COL6A1: variants seen among roughly 807,000 people sequenced by gnomAD.
The protein encoded by COL6A1 is collagen alpha-1(VI) chain.
Under a neutral mutation model 145.6 loss-of-function variants are expected in COL6A1, and 80 were observed. The ratio of observed to expected loss-of-function variants is 0.55; its 90% CI spans 0.46 to 0.66. COL6A1 has a LOEUF of 0.66. Among genes scored for constraint, COL6A1 ranks in the 30% least tolerant of loss-of-function variants. The pLI, the probability that COL6A1 is intolerant of heterozygous loss-of-function variation, is 0.00. For missense variants in COL6A1, 1,364 were observed against 1,473.8 expected, an observed-to-expected ratio of 0.93 and a Z score of 1.22; for synonymous variants, 638 against 622.8, an observed-to-expected ratio of 1.02 and a Z score of -0.36.
At chr21:45,999,125 C>T (rs780461201) in intron 25 of COL6A1, 28 bp from the exon 26 acceptor site, 10 of 1,575,160 alleles carry the variant, frequency 6.3e-6, no homozygotes, top group Middle Eastern at 1.9e-4. Flanking sequence ...GGTGCACGGT[C>T]TGTTGACACA....
intron 9 of COL6A1, 149 bp downstream of exon 9, chr21:45,989,286 C>A: frequency 1.1e-6 from 1 of 887,210 alleles, no homozygotes; most frequent in African/African-American, 1.7e-5. Flanking sequence ...GGAGGGGCCA[C>A]AGCCCAGCCA....
In COL6A1 at chr21:45,982,666, A is replaced by G. The variant is rs1296919343; in HGVS notation, c.130A>G (p.Thr44Ala). 1 of 1,612,684 alleles carries G rather than the reference A, an allele frequency of 6.2e-7. No homozygotes were observed. Among genetic ancestry groups the G allele is most frequent in the African/African-American group, 1.3e-5 (1 of 74,904 alleles). Residue 44 changes from threonine (T) to alanine (A), a missense_variant, in exon 2 of 35, where the codon ACC (threonine) becomes GCC (alanine). By Grantham distance (58) the Thr-to-Ala change is moderately conservative. Transcript: ENST00000361866. ...CGTGGACCTGTTCTTTGTGCTGGAC[A>G]CCTCTGAGAGCGTGGCCCTGAGGCT... is the stretch of plus-strand genomic sequence containing the variant. ...CPVDLFFVLD[T>A]SESVALRLKP...
rs553368051 is a variant in COL6A1, at chr21:45,987,575, T to C, written c.760-35T>C. On this transcript the variant is annotated intron_variant, in intron 7 of 34. Coordinates refer to ENST00000361866, the MANE Select transcript of COL6A1 (RefSeq NM_001848.3). ...GCCCTGCACCCTGGGAACCTGAGTC[T>C]GGGGTCCTGGCTGACCGTCCCCTCT... 35 of 1,612,678 alleles carry C rather than the reference T, an allele frequency of 2.2e-5. No individual in the cohort carries two copies. In the African/African-American group the frequency reaches 2.8e-4, roughly 13 times the overall value.
At chr21:45,997,522 G>GC (rs773703714) in intron 21 of COL6A1, 39 bp downstream of exon 21, 1 of 1,602,158 alleles carries the variant, frequency 6.2e-7, no homozygotes, top group South Asian at 1.1e-5. Context: ...CCACCCAGGG[G>GC]GGCCTGAGGA....
At position 45,998,906 on chromosome 21, in the gene COL6A1, G is replaced by T; in HGVS notation, c.1621G>T (p.Gly541Cys). 1 of 1,555,354 alleles carries T rather than the reference G, an allele frequency of 6.4e-7. No individual in the cohort carries two copies. Among genetic ancestry groups the T allele is most frequent in the Non-Finnish European group, 8.7e-7 (1 of 1,148,904 alleles). ...RGAPGINGTK[G>C]YPGLKGDEGE... is the part of the protein sequence containing the mutation. ...TCTCCCGTCACTGCAGGGCACGAAG[G>T]GCTACCCCGGCCTCAAGGGGGACGA... The change falls in exon 25 of 35, where the codon GGC (glycine) becomes TGC (cysteine). Residue 541 changes from glycine (G) to cysteine (C), a missense_variant. This residue lies in a region of COL6A1 where 938 missense variants were observed against 1,003.8 expected (regional missense o/e 0.93). Transcript: ENST00000361866.
chr21:45,988,806 G>A (rs1301616184), intron 8 of COL6A1, among the ~76,000 whole-genome samples: 3 of 152,060 alleles, frequency 2.0e-5, no homozygotes, highest in Non-Finnish European at 4.4e-5. Flanking sequence ...CCTGGGGGTC[G>A]AGCTGTGACC....
chr21:45,992,968 G>A (rs993512467), intron 19 of COL6A1, among the ~76,000 whole-genome samples, 158 bp downstream of exon 19: 7 of 152,242 alleles, frequency 4.6e-5, no homozygotes, highest in Non-Finnish European at 1.0e-4. Flanking sequence ...GGCAGCCCCT[G>A]AAGCCGGCGC....
Position 46,003,378 on chromosome 21 carries a change from C to T in COL6A1, c.2465-13C>T, listed in dbSNP as rs370893941. ...AGGGCCTCATGCTAACGGCTGCCCA[C>T]CCCGCCCCGCAGTCACGTTCTCCTC... On this transcript the variant is annotated splice_polypyrimidine_tract_variant and intron_variant, in intron 34 of 34. Transcript: ENST00000361866. 3.1e-6 allele frequency: 5 copies of T among 1,599,862 alleles called. No homozygotes were observed.
rs544212419 is a variant in COL6A1 at position 45,993,003 on chromosome 21, C to A, written c.1335+193C>A. 2.0e-5 allele frequency among the ~76,000 whole-genome samples: 3 copies of A among 152,376 alleles called. No individual in the cohort carries two copies. The South Asian group carries it at 6.2e-4, about 32-fold the overall frequency. On this transcript the variant is annotated intron_variant, in intron 19 of 34. Coordinates refer to ENST00000361866, the MANE Select transcript of COL6A1 (RefSeq NM_001848.3). ...CCCAGCCATGTGCCTGATGCTGGGA[C>A]CTGTTTCATGTGAAGGCGTTGCCCG...
chr21:45,992,095 C>T, intron 16 of COL6A1, 23 bp downstream of exon 16: 1 of 1,613,404 alleles, frequency 6.2e-7, no homozygotes, highest in Non-Finnish European at 8.5e-7. Context: ...ACAGCCCCCA[C>T]ACATGCCAGG....
rs1470028150 is a variant in COL6A1 at position 46,002,583 on chromosome 21, C to T, written c.2307C>T (p.Leu769=). 9 of 1,614,132 alleles carry T rather than the reference C, an allele frequency of 5.6e-6. No individual in the cohort carries two copies. Among genetic ancestry groups the T allele is most frequent in the Non-Finnish European group, 6.8e-6 (8 of 1,180,004 alleles). The change falls in exon 33 of 35, where the codon CTC becomes CTT. Residue 769 remains leucine (L), a synonymous_variant. Coordinates refer to ENST00000361866, the MANE Select transcript of COL6A1 (RefSeq NM_001848.3). The stretch of plus-strand genomic sequence containing the variant: ...ACTTCATCCCAGGCTCAGACCAGCT[C>T]AATGTCATTTCTTGCCAAGGCCTGG... The part of the protein sequence containing the change: ...VFDFIPGSDQ[L]NVISCQGLAP...
rs773866583 is a variant in COL6A1, at chr21:46,003,508, C to A, written c.2582C>A (p.Thr861Lys). 18 of 1,611,460 alleles carry A rather than the reference C, an allele frequency of 1.1e-5. No individual in the cohort carries two copies. The South Asian group carries it at 1.5e-4, about 14-fold the overall frequency. Residue 861 changes from threonine (T) to lysine (K), a missense_variant, in exon 35 of 35, where the codon ACA becomes AAA. Physicochemically the swap from Thr to Lys is moderately conservative, Grantham distance 78. Coordinates refer to ENST00000361866, the MANE Select transcript of COL6A1 (RefSeq NM_001848.3). ...AAGCGCCTGGCCGAGCGCTTCCTCA[C>A]AGCGGGCAGGACGGACCCCGCCCAC... ...FAKRLAERFL[T>K]AGRTDPAHDV...
In COL6A1 at chr21:45,999,054, G is replaced by A. The variant is rs2077822987; in HGVS notation, c.1674+95G>A. The stretch of plus-strand genomic sequence containing the variant: ...AGTGGACCAGGACCCGCTTGGGGAG[G>A]CCTCATGGGCCCCGGCTGCTGGATG... On this transcript the variant is annotated intron_variant, in intron 25 of 34. Coordinates refer to ENST00000361866, the MANE Select transcript of COL6A1 (RefSeq NM_001848.3). The A allele has an allele frequency of 1.9e-6, 3 of 1,540,984 alleles. No homozygotes were observed. The Admixed American group carries it at 5.9e-5, about 30-fold the overall frequency.
Position 45,998,954 on chromosome 21 carries a change from G to A in COL6A1, c.1669G>A (p.Asp557Asn). The change falls in exon 25 of 35, where the codon GAC becomes AAC. Residue 557 changes from aspartate (D) to asparagine (N), a missense_variant. Asp to Asn is a conservative substitution (Grantham distance 23). Around this residue, in one of 3 missense-constraint regions of COL6A1, gnomAD observed 938 missense variants for 1,003.8 expected, o/e 0.93. Transcript: ENST00000361866. ...GDEGEAGDPGDDNNDIAPRGV... is the reference protein window; with the variant it reads ...GDEGEAGDPGNDNNDIAPRGV... ...CGAGGGAGAAGCCGGGGACCCCGGAGACGATGTAAGTGTGGATGGGAGGCA... is the reference window on the plus strand; with the variant it reads ...CGAGGGAGAAGCCGGGGACCCCGGAAACGATGTAAGTGTGGATGGGAGGCA... 6.4e-7 allele frequency: 1 copy of A among 1,553,552 alleles called. No individual in the cohort carries two copies. The highest frequency in any genetic ancestry group is 8.7e-7 in the Non-Finnish European group (1 of 1,148,090).
chr21:45,982,798 T>A (rs768584853), intron 2 of COL6A1, 35 bp downstream of exon 2: 4 of 1,608,562 alleles, frequency 2.5e-6, no homozygotes, highest in Non-Finnish European at 3.4e-6. Context: ...CCTCCTGTGC[T>A]TCTGGGCCTC....
At chr21:45,992,291 A>G in intron 17 of COL6A1, 72 bp from the exon 18 acceptor site, 3 of 1,613,074 alleles carry the variant, frequency 1.9e-6, no homozygotes, top group African/African-American at 1.3e-5. Flanking sequence ...CTCGGGGTCT[A>G]CTCCACGTCC....
At chr21:45,997,172 C>T (rs1267653774) in intron 20 of COL6A1, among the ~76,000 whole-genome samples, 2 of 128,706 alleles carry the variant, frequency 1.6e-5, no homozygotes, top group African/African-American at 5.4e-5. Flanking sequence ...AGAGGCTTCA[C>T]CCCTCCGTGG....
Position 46,003,627 on chromosome 21 carries a change from G to T in COL6A1, c.2701G>T (p.Ala901Ser). The T allele has an allele frequency of 1.2e-6, 2 of 1,613,018 alleles. No homozygotes were observed. Among genetic ancestry groups the T allele is most frequent in the Non-Finnish European group, 1.7e-6 (2 of 1,179,932 alleles). Residue 901 changes from alanine to serine, a missense_variant, in exon 35 of 35, where the codon GCC becomes TCC. Coordinates refer to ENST00000361866, the MANE Select transcript of COL6A1 (RefSeq NM_001848.3). ...LQFLQNYTAL[A>S]SAVDAMDFIN... ...GTTCCTGCAGAACTACACGGCCCTG[G>T]CCAGTGCCGTCGATGCCATGGACTT...
Position 46,001,383 on chromosome 21 carries a change from C to T in COL6A1, c.1953C>T (p.Val651=). The part of the protein sequence containing the change: ...VIDRLSRDEL[V]KFEPGQSYAG... The stretch of plus-strand genomic sequence containing the variant: ...ACCGGCTGAGCCGGGACGAGCTGGT[C>T]AAGGTGAGGCCTCGCCCCGCCCGGC... The change falls in exon 30 of 35, where the codon GTC becomes GTT. Residue 651 remains valine (V), a synonymous_variant. Transcript: ENST00000361866. The T allele has an allele frequency of 6.2e-7, 1 of 1,611,088 alleles. No homozygotes were observed. The highest frequency in any genetic ancestry group is 1.1e-5 in the South Asian group (1 of 91,066).
Sources: gnomAD v4.1 joint callset for allele counts (sites outside exome capture counted in the v4.1 genomes callset) on GRCh38, gnomAD v4.1.1 for gene constraint, gnomAD v4.1.1 regional missense constraint, MANE v1.5 for transcripts, NCBI Gene and HGNC (gene_info 2026-07-23, HGNC 2026-07-21) for gene names.